The following GGT1 variants were observed in gnomAD, a reference collection of about 807,000 sequenced individuals.
GGT1 encodes gamma-glutamyltransferase 1.
GGT1 carries 21 observed loss-of-function variants against 56.0 expected under a neutral mutation model. That is an observed-to-expected ratio of 0.38 (90% CI 0.27 to 0.54). GGT1 has a LOEUF of 0.54. GGT1 is among the 20% of genes least tolerant of loss of function. GGT1 has a pLI of 0.82. For missense variants in GGT1, 466 were observed against 787.0 expected, an observed-to-expected ratio of 0.59 and a Z score of 4.88; for synonymous variants, 238 against 342.6, an observed-to-expected ratio of 0.69 and a Z score of 3.37.
rs1459169628 is a variant in GGT1 at position 24,624,693 on chromosome 22, C to G, written c.1020+777C>G. 5.1e-6 allele frequency: 5 copies of G among 983,624 alleles called. No homozygotes were observed. In the East Asian group the frequency reaches 5.7e-4, roughly 112 times the overall value. The allele number at this position is 983,624 out of a possible 1,614,324, so 60.9% of individuals were successfully genotyped here. A position where few individuals can be genotyped will look rare whatever the true frequency, so the allele number is the denominator to read the frequency against. ...TACTCGCTGGCTCGGGGTGCTGTTC[C>G]TACAATGCTCCTTTCTGCCTCTGAT... On this transcript the variant is annotated intron_variant, in intron 11 of 15. Transcript: ENST00000400382.
chr22:24,601,814 G>T (rs1051106407), upstream of GGT1, among the ~76,000 whole-genome samples: 1 of 152,244 alleles, frequency 6.6e-6, no homozygotes, highest in African/African-American at 2.4e-5. Flanking sequence ...CTGGCTGGAG[G>T]CCAGCTTGGC....
intron 1 of GGT1, among the ~76,000 whole-genome samples, chr22:24,595,726 C>T (rs1379993484): frequency 6.6e-6 from 1 of 152,202 alleles, no homozygotes; most frequent in Non-Finnish European, 1.5e-5. Context: ...GTCTCAAGCC[C>T]TCTGCCACCC....
At chr22:24,600,480 T>C (rs1569044493), upstream of GGT1, among the ~76,000 whole-genome samples, 2 of 152,182 alleles carry the variant, frequency 1.3e-5, no homozygotes, top group Non-Finnish European at 2.9e-5. Context: ...TGCTGGGTGC[T>C]CCCAGGCATT....
chr22:24,587,905 G>A, the GGT1 span, among the ~76,000 whole-genome samples: 1 of 152,174 alleles, frequency 6.6e-6, no homozygotes, highest in Non-Finnish European at 1.5e-5. Flanking sequence ...GGTCACCTTG[G>A]CTGTTGGGTG....
intron 1 of GGT1, among the ~76,000 whole-genome samples, chr22:24,596,590 C>T (rs1401246407): frequency 6.6e-6 from 1 of 151,966 alleles, no homozygotes; most frequent in Non-Finnish European, 1.5e-5. Flanking sequence ...ATGCCCGGCT[C>T]ACATGGCCTC....
chr22:24,586,270 G>T, the GGT1 span: 1 of 1,613,896 alleles, frequency 6.2e-7, no homozygotes, highest in Non-Finnish European at 8.5e-7. Context: ...GCCCCGTGAA[G>T]CTCAGGTCCA....
chr22:24,626,620 T>C (rs912176467), intron 11 of GGT1, among the ~76,000 whole-genome samples: 35 of 151,868 alleles, frequency 2.3e-4, no homozygotes, highest in African/African-American at 8.2e-4. Flanking sequence ...GTCGGCGCCA[T>C]CCTTGATTCT....
chr22:24,600,232 G>T (rs1415621464), upstream of GGT1, among the ~76,000 whole-genome samples: 1 of 152,214 alleles, frequency 6.6e-6, no homozygotes, highest in African/African-American at 2.4e-5. Flanking sequence ...GGCCTTGAAA[G>T]TAGGAGGTGC....
chr22:24,625,206 C>G (rs937392920), intron 11 of GGT1, among the ~76,000 whole-genome samples: 8 of 152,194 alleles, frequency 5.3e-5, no homozygotes, highest in African/African-American at 1.9e-4. Flanking sequence ...CATAGCACAG[C>G]AGGATGTCGG....
rs1246496036 is a variant in GGT1, at chr22:24,605,732, ATAT to A, written c.-429+2209_-429+2211del. Among the ~76,000 whole-genome samples, 85 of 77,388 alleles carry A rather than the reference ATAT, an allele frequency of 1.1e-3. 14 individuals are homozygous for A. The highest frequency in any genetic ancestry group is 5.7e-3 in the African/African-American group (75 of 13,068). The allele number at this position is 77,388 out of a possible 152,430, so 50.8% of individuals were successfully genotyped here. A position where few individuals can be genotyped will look rare whatever the true frequency, so the allele number is the denominator to read the frequency against. ...TATAATGTGTATTATATATTATATA[ATAT>A]TATATAATGTGTATTATATATTATA... On this transcript the variant is annotated intron_variant, in intron 1 of 15. Coordinates refer to ENST00000400382, the MANE Select transcript of GGT1 (RefSeq NM_001288833.2).
chr22:24,585,605 C>T, the GGT1 span: 1 of 503,482 alleles, frequency 2.0e-6, no homozygotes, highest in Non-Finnish European at 3.5e-6. Context: ...TGCTCAGTGA[C>T]CCTGAGGTTG....
At chr22:24,602,110 C>T (rs891203222), upstream of GGT1, among the ~76,000 whole-genome samples, 17 of 152,130 alleles carry the variant, frequency 1.1e-4, no homozygotes, top group African/African-American at 2.4e-5. Context: ...AGCTTTGACA[C>T]CTCGGGGCTC....
At chr22:24,585,344 C>T in the GGT1 span, among the ~76,000 whole-genome samples, 1 of 152,208 alleles carries the variant, frequency 6.6e-6, no homozygotes, top group African/African-American at 2.4e-5. Context: ...TTTGCTCCTC[C>T]TGGGGCTCCC....
intron 7 of GGT1, among the ~76,000 whole-genome samples, chr22:24,618,874 CAGTGTCTGT>C (rs1311187223): frequency 6.6e-6 from 1 of 152,136 alleles, no homozygotes; most frequent in Non-Finnish European, 1.5e-5. Context: ...GGCAAAGGGT[CAGTGTCTGT>C]AGTGTCCTTA....
At chr22:24,591,140 T>G (rs1409980598), upstream of GGT1, among the ~76,000 whole-genome samples, 1 of 152,208 alleles carries the variant, frequency 6.6e-6, no homozygotes, top group Non-Finnish European at 1.5e-5. Context: ...GGCGCAGTGG[T>G]GCGAGGTCAG....
upstream of GGT1, chr22:24,592,802 C>T: frequency 8.0e-7 from 1 of 1,243,142 alleles, no homozygotes; most frequent in Non-Finnish European, 1.0e-6. Context: ...GCCTCCCAGA[C>T]CCCCAGACCC....
At chr22:24,619,265 G>A (rs988006920) in intron 7 of GGT1, among the ~76,000 whole-genome samples, 1 of 152,154 alleles carries the variant, frequency 6.6e-6, no homozygotes, top group African/African-American at 2.4e-5. Flanking sequence ...AGGCATGGTG[G>A]TGCATGCCTG....
chr22:24,596,363 G>C (rs1047481493), intron 1 of GGT1, among the ~76,000 whole-genome samples: 2 of 152,214 alleles, frequency 1.3e-5, no homozygotes, highest in Non-Finnish European at 2.9e-5. Flanking sequence ...TTCAGCTTCT[G>C]GTGGCTCCTG....
intron 7 of GGT1, among the ~76,000 whole-genome samples, chr22:24,617,655 G>A (rs1484169184): frequency 6.6e-6 from 1 of 151,932 alleles, no homozygotes; most frequent in East Asian, 1.9e-4. Context: ...AGACAGGCAG[G>A]GTTCTCAGGA....
Sources: allele counts gnomAD v4.1 joint callset (sites outside exome capture counted in the v4.1 genomes callset), GRCh38; gene constraint gnomAD v4.1.1; transcripts MANE v1.5; gene names NCBI Gene and HGNC (gene_info 2026-07-23, HGNC 2026-07-21).